Variants in FER observed in about 807,000 individuals in gnomAD.
FER encodes the protein FER tyrosine kinase.
FER carries 63 observed loss-of-function variants against 111.0 expected under a neutral mutation model. That is an observed-to-expected ratio of 0.57 (90% CI 0.46 to 0.70). FER has a LOEUF of 0.70. Among genes scored for constraint, FER ranks in the 30% least tolerant of loss-of-function variants. FER has a pLI of 0.00. For missense variants in FER, 914 were observed against 954.0 expected, an observed-to-expected ratio of 0.96 and a Z score of 0.55; for synonymous variants, 327 against 313.9, an observed-to-expected ratio of 1.04 and a Z score of -0.44.
chr5:108,884,493 A>C (rs1359935431), intron 9 of FER, among the ~76,000 whole-genome samples: 2 of 149,454 alleles, frequency 1.3e-5, no homozygotes, highest in Non-Finnish European at 1.5e-5. Flanking sequence ...CTTTGTCCTA[A>C]GTTCATTTCT....
chr5:109,023,182 A>G (rs1395106141), intron 13 of FER, among the ~76,000 whole-genome samples: 1 of 152,066 alleles, frequency 6.6e-6, no homozygotes, highest in African/African-American at 2.4e-5. Flanking sequence ...GATGTTTTGC[A>G]AGTAGACCTA....
chr5:109,075,702 C>T (rs553099328), intron 16 of FER, among the ~76,000 whole-genome samples: 3 of 152,180 alleles, frequency 2.0e-5, no homozygotes, highest in South Asian at 2.1e-4. Flanking sequence ...GGATTACATG[C>T]GTGAACCACC....
rs6895215 is a variant in FER, at chr5:108,881,101, C to G, written c.924-2295C>G. Among the ~76,000 whole-genome samples the G allele has an allele frequency of 1.3e-3, 203 of 152,180 alleles. 1 individual carries two copies. Among genetic ancestry groups the G allele is most frequent in the African/African-American group, 3.8e-3 (156 of 41,524 alleles). On this transcript the variant is annotated intron_variant, in intron 8 of 19. Transcript: ENST00000281092. ...CACACCTCTCAGAGTATTGATAAAACTTTGGTTTATAGTCATCTGTTTCTT... is the reference window on the plus strand; with the variant it reads ...CACACCTCTCAGAGTATTGATAAAAGTTTGGTTTATAGTCATCTGTTTCTT...
chr5:109,143,558 C>T (rs1248514442), intron 17 of FER, among the ~76,000 whole-genome samples: 4 of 151,956 alleles, frequency 2.6e-5, no homozygotes, highest in Admixed American at 1.3e-4. Context: ...AGGCCTTATC[C>T]GTGAACCCCA....
intron 13 of FER, among the ~76,000 whole-genome samples, chr5:109,019,856 T>A (rs980059261): frequency 1.4e-4 from 22 of 151,910 alleles, no homozygotes; most frequent in African/African-American, 5.3e-4. Context: ...AAAAATGTTT[T>A]ACGACTGATT....
At chr5:108,892,322 C>T (rs1158456379) in intron 9 of FER, among the ~76,000 whole-genome samples, 1 of 152,178 alleles carries the variant, frequency 6.6e-6, no homozygotes, top group African/African-American at 2.4e-5. Flanking sequence ...TCCTCTCCAG[C>T]ACCTGTTGTT....
intron 10 of FER, among the ~76,000 whole-genome samples, chr5:108,938,431 G>A (rs1414348531): frequency 6.6e-6 from 1 of 151,920 alleles, no homozygotes; most frequent in Non-Finnish European, 1.5e-5. Context: ...AAATGAGTTG[G>A]CCAGATATTT....
chr5:108,990,439 T>C (rs940220948), intron 13 of FER, among the ~76,000 whole-genome samples: 1 of 151,874 alleles, frequency 6.6e-6, no homozygotes, highest in Admixed American at 6.6e-5. Context: ...CTTGTATCTC[T>C]ATTGGTGTAT....
chr5:108,867,821 A>C lies in FER; in HGVS notation c.536A>C (p.His179Pro). The C allele has an allele frequency of 1.2e-6, 2 of 1,613,114 alleles. No individual in the cohort carries two copies. The highest frequency in any genetic ancestry group is 1.7e-6 in the Non-Finnish European group (2 of 1,179,552). The stretch of plus-strand genomic sequence containing the variant: ...TACGACAAAGCCACAATGAAACTTC[A>C]TATGTTGCACAATCAGTATGTATTG... ...ERYDKATMKL[H>P]MLHNQYVLAL... The change falls in exon 6 of 20, where the codon CAT (histidine) becomes CCT (proline). Residue 179 changes from histidine (H) to proline (P), a missense_variant. Physicochemically the swap from His to Pro is moderately conservative, Grantham distance 77. Around this residue, in one of 3 missense-constraint regions of FER, gnomAD observed 774 missense variants for 782.6 expected, o/e 0.99. Coordinates refer to ENST00000281092, the MANE Select transcript of FER (RefSeq NM_005246.4).
Position 108,827,438 on chromosome 5 carries a change from A to G in FER, c.208-5332A>G, listed in dbSNP as rs72660782. On this transcript the variant is annotated intron_variant, in intron 3 of 19. Transcript: ENST00000281092. ...TGTTTCTCTTCAAAAGAAGAAAAAA[A>G]TAGTACCCATTTCTTCCATTCTTTA... Among the ~76,000 whole-genome samples, 1,438 of 152,306 alleles carry G rather than the reference A, an allele frequency of 9.4e-3. 131 individuals are homozygous for G. The East Asian group carries it at 0.22, about 23-fold the overall frequency.
intron 14 of FER, among the ~76,000 whole-genome samples, chr5:109,038,811 TAGA>T (rs2149885695): frequency 6.6e-6 from 1 of 152,142 alleles, no homozygotes; most frequent in Non-Finnish European, 1.5e-5. Flanking sequence ...AGAATATGTT[TAGA>T]AGGACAGACT....
chr5:108,789,385 T>G lies in FER; in HGVS notation c.-59-8739T>G, dbSNP rs189853666. On this transcript the variant is annotated intron_variant, in intron 2 of 19. Transcript: ENST00000281092. The stretch of plus-strand genomic sequence containing the variant: ...TAACTGTATCTCATACTCACTTTTT[T>G]TTTTTTGCCTTATACATCTCTATTT... Among the ~76,000 whole-genome samples the G allele has an allele frequency of 2.2e-3, 334 of 152,306 alleles. 3 individuals carry two copies. Among genetic ancestry groups the G allele is most frequent in the African/African-American group, 7.3e-3 (304 of 41,568 alleles).
At chr5:109,096,822 T>A (rs954989249) in intron 16 of FER, among the ~76,000 whole-genome samples, 1 of 151,614 alleles carries the variant, frequency 6.6e-6, no homozygotes, top group East Asian at 1.9e-4. Flanking sequence ...ATGAAGGAAA[T>A]TGGGATGAAT....
intron 12 of FER, among the ~76,000 whole-genome samples, chr5:108,956,582 G>A (rs1007143268): frequency 6.6e-6 from 1 of 151,610 alleles, no homozygotes; most frequent in South Asian, 2.1e-4. Flanking sequence ...AAGAGGTTAC[G>A]AGTTCACATT....
Position 108,969,688 on chromosome 5 carries a change from A to G in FER, c.1656+10341A>G, listed in dbSNP as rs1362850193. 1.4e-5 allele frequency among the ~76,000 whole-genome samples: 2 copies of G among 147,294 alleles called. 1 individual carries two copies. Among genetic ancestry groups the G allele is most frequent in the African/African-American group, 5.4e-5 (2 of 36,772 alleles). On this transcript the variant is annotated intron_variant, in intron 13 of 19. Coordinates refer to ENST00000281092, the MANE Select transcript of FER (RefSeq NM_005246.4). ...ATTGAAAACATGGCACCTGTCCTCA[A>G]GCAAATATAAATTTTTAGGATGATG...
chr5:108,822,245 T>C (rs1758923718), intron 3 of FER, among the ~76,000 whole-genome samples: 1 of 152,206 alleles, frequency 6.6e-6, no homozygotes, highest in African/African-American at 2.4e-5. Context: ...ACATTTTATT[T>C]ACTATAATTT....
At chr5:108,794,093 A>G (rs1755710734) in intron 2 of FER, among the ~76,000 whole-genome samples, 1 of 152,032 alleles carries the variant, frequency 6.6e-6, no homozygotes. Context: ...TAATGTGATA[A>G]TATTCTTTGT....
intron 13 of FER, among the ~76,000 whole-genome samples, chr5:109,032,981 C>A (rs371478767): frequency 6.6e-6 from 1 of 152,116 alleles, no homozygotes; most frequent in Admixed American, 6.6e-5. Flanking sequence ...TAGTTTTGAA[C>A]ACAGGTCTGT....
intron 16 of FER, among the ~76,000 whole-genome samples, chr5:109,050,555 CAACT>C (rs1255366522): frequency 6.6e-6 from 1 of 152,122 alleles, no homozygotes; most frequent in East Asian, 1.9e-4. Flanking sequence ...AGTGACATCC[CAACT>C]GTCTTAAAAA....
Sources: gnomAD v4.1 joint callset for allele counts (sites outside exome capture counted in the v4.1 genomes callset) on GRCh38, gnomAD v4.1.1 for gene constraint, gnomAD v4.1.1 regional missense constraint, MANE v1.5 for transcripts, NCBI Gene and HGNC (gene_info 2026-07-23, HGNC 2026-07-21) for gene names.